Variants in MBIP observed in about 807,000 individuals in gnomAD.
MBIP encodes MAP3K12 binding inhibitory protein 1.
MBIP carries 32 observed loss-of-function variants against 45.7 expected under a neutral mutation model. The ratio of observed to expected loss-of-function variants is 0.70; its 90% CI spans 0.53 to 0.94. The LOEUF (loss-of-function observed/expected upper bound fraction) is 0.94, where lower values mean the gene tolerates loss of function less well. MBIP is among the 40% of genes least tolerant of loss of function. The pLI, the probability that MBIP is intolerant of heterozygous loss-of-function variation, is 0.00. For synonymous variants in MBIP, 145 were observed against 141.0 expected (o/e 1.03, Z -0.20); for missense variants, 381 against 405.5 (o/e 0.94, Z 0.52).
At chr14:36,312,137 T>C (rs1880249306) in intron 4 of MBIP, 113 bp from the exon 5 acceptor site, 1 of 521,072 alleles carries the variant, frequency 1.9e-6, no homozygotes, top group African/African-American at 2.0e-5. Context: ...ATAATTTTAA[T>C]AAATAATAGT....
In MBIP at chr14:36,299,085, A is replaced by G. The variant is rs1879368858; in HGVS notation, c.1033T>C (p.Ter345ArgextTer22). The G allele has an allele frequency of 1.2e-6, 2 of 1,612,850 alleles. No individual in the cohort carries two copies. The highest frequency in any genetic ancestry group is 1.7e-6 in the Non-Finnish European group (2 of 1,178,984). ...AESMATHHLP* is the reference protein window; with the variant it reads ...AESMATHHLPR ...ATGACAAGGATGAGAGGAGTTTTTCATGGAAGGTGGTGGGTTGCCATGGAT... is the reference window on the plus strand; with the variant it reads ...ATGACAAGGATGAGAGGAGTTTTTCGTGGAAGGTGGTGGGTTGCCATGGAT... Residue 345 changes from the stop codon to arginine (R), a stop_lost, in exon 9 of 9, where the codon TGA becomes CGA. Transcript: ENST00000416007.
chr14:36,313,046 T>C (rs1247206744), intron 4 of MBIP, among the ~76,000 whole-genome samples: 2 of 152,104 alleles, frequency 1.3e-5, no homozygotes, highest in Non-Finnish European at 2.9e-5. Flanking sequence ...TCAGTTGAAC[T>C]TTCCTTAGTA....
intron 7 of MBIP, among the ~76,000 whole-genome samples, chr14:36,307,792 T>C (rs1879970122): frequency 6.6e-6 from 1 of 152,058 alleles, no homozygotes; most frequent in African/African-American, 2.4e-5. Context: ...GGTAGCAAGT[T>C]CAGAGTAACA....
In MBIP at chr14:36,320,097, T is replaced by C. The variant is rs1417474061; in HGVS notation, c.129+363A>G. On this transcript the variant is annotated intron_variant, in intron 1 of 8. Coordinates refer to ENST00000416007, the MANE Select transcript of MBIP (RefSeq NM_016586.3). ...ATCTCAGGCCTACTGACCAACCAAT[T>C]CCCATAAAGAGTAAGTTGGAGGAAA... Among the ~76,000 whole-genome samples, 3 of 151,874 alleles carry C rather than the reference T, an allele frequency of 2.0e-5. No individual in the cohort carries two copies. In the East Asian group the frequency reaches 5.8e-4, roughly 29 times the overall value.
At chr14:36,306,385 G>A (rs1036127264) in intron 7 of MBIP, among the ~76,000 whole-genome samples, 4 of 152,084 alleles carry the variant, frequency 2.6e-5, no homozygotes, top group African/African-American at 9.7e-5. Context: ...CTCCCAAGTA[G>A]CTGGGATTAT....
intron 6 of MBIP, among the ~76,000 whole-genome samples, chr14:36,309,003 C>A (rs183653822): frequency 2.6e-5 from 4 of 152,214 alleles, no homozygotes; most frequent in African/African-American, 9.6e-5. Context: ...AATACCAAAG[C>A]CCTCACAATG....
Position 36,308,166 on chromosome 14 carries a change from A to G in MBIP, c.814T>C (p.Tyr272His), listed in dbSNP as rs754159126. 5 of 1,601,126 alleles carry G rather than the reference A, an allele frequency of 3.1e-6. No individual in the cohort carries two copies. The highest frequency in any genetic ancestry group is 4.5e-5 in the East Asian group (2 of 44,616). Residue 272 changes from tyrosine to histidine, a missense_variant, in exon 7 of 9, where the codon TAT becomes CAT. Physicochemically the swap from Tyr to His is moderately conservative, Grantham distance 83. Coordinates refer to ENST00000416007, the MANE Select transcript of MBIP (RefSeq NM_016586.3). ...QTGGPVPRDIYQRIKKLEDKI... is the reference protein window; with the variant it reads ...QTGGPVPRDIHQRIKKLEDKI... ...TCCTCAAGTTTTTTAATTCTCTGAT[A>G]AATGTCTCTTGGCACTGGACCACCT...
At chr14:36,300,724 A>G in intron 8 of MBIP, 61 bp downstream of exon 8, 1 of 1,252,636 alleles carries the variant, frequency 8.0e-7, no homozygotes, top group South Asian at 1.5e-5. Context: ...TTTTATTAAT[A>G]AGAAAGGTAT....
Position 36,314,878 on chromosome 14 carries a change from TC to T in MBIP, c.286del (p.Glu96ArgfsTer9). ...TATCTCTTCAACAGCAGTTGTATTC[TC>T]CTCTTTAATCGGAGACTGAAGTTTT... is the stretch of plus-strand genomic sequence containing the variant. ...LAKLQSPIKEENTTAVEEIGR... is the reference protein window; with the variant it reads ...LAKLQSPIKEXNTTAVEEIGR... On this transcript the variant is annotated frameshift_variant, in exon 3 of 9. Transcript: ENST00000416007. LOFTEE classifies it high-confidence loss of function. The T allele has an allele frequency of 6.2e-7, 1 of 1,613,308 alleles. No homozygotes were observed. Among genetic ancestry groups the T allele is most frequent in the East Asian group, 2.2e-5 (1 of 44,836 alleles).
At chr14:36,300,233 C>CG (rs888121452) in intron 8 of MBIP, among the ~76,000 whole-genome samples, 38 of 152,000 alleles carry the variant, frequency 2.5e-4, no homozygotes, top group African/African-American at 9.2e-4. Flanking sequence ...TAATTTACTT[C>CG]GGGAAAAAAT....
At chr14:36,308,048 T>C (rs145905295) in intron 7 of MBIP, 44 bp downstream of exon 7, 27 of 1,060,098 alleles carry the variant, frequency 2.5e-5, no homozygotes, top group Middle Eastern at 2.0e-4. Context: ...GAATCCAGAA[T>C]ACAATAACAT....
At chr14:36,310,257 C>T (rs2139218153) in intron 6 of MBIP, among the ~76,000 whole-genome samples, 1 of 152,304 alleles carries the variant, frequency 6.6e-6, no homozygotes, top group East Asian at 1.9e-4. Context: ...CTACCTTCAT[C>T]TGGCTAGCAT....
At chr14:36,300,587 T>C (rs1025069366) in intron 8 of MBIP, among the ~76,000 whole-genome samples, 198 bp downstream of exon 8, 2 of 152,212 alleles carry the variant, frequency 1.3e-5, no homozygotes, top group African/African-American at 4.8e-5. Flanking sequence ...TTTTATTTAT[T>C]TAACCTATCT....
intron 1 of MBIP, among the ~76,000 whole-genome samples, chr14:36,318,603 A>G (rs1440525726): frequency 6.6e-6 from 1 of 152,002 alleles, no homozygotes; most frequent in Non-Finnish European, 1.5e-5. Flanking sequence ...ACAAAAATCC[A>G]AGCTAAAAAT....
intron 7 of MBIP, among the ~76,000 whole-genome samples, chr14:36,302,720 T>C (rs1879643914): frequency 3.3e-5 from 5 of 152,126 alleles, no homozygotes; most frequent in Admixed American, 3.3e-4. Flanking sequence ...AATATTTTGA[T>C]AAAAAGAACA....
At chr14:36,309,406 T>C (rs1388876548) in intron 6 of MBIP, among the ~76,000 whole-genome samples, 2 of 152,228 alleles carry the variant, frequency 1.3e-5, no homozygotes, top group Non-Finnish European at 2.9e-5. Flanking sequence ...CTGTGCAGCT[T>C]GTGCACTGCA....
chr14:36,307,952 C>A, intron 7 of MBIP, 140 bp downstream of exon 7: 1 of 481,618 alleles, frequency 2.1e-6, no homozygotes, highest in Non-Finnish European at 3.6e-6. Context: ...TAGATATATC[C>A]CCTATACAGG....
chr14:36,311,429 A>C, intron 6 of MBIP, 144 bp downstream of exon 6: 15 of 651,282 alleles, frequency 2.3e-5, no homozygotes, highest in African/African-American at 3.7e-5. Flanking sequence ...GTGAATTGAC[A>C]TACACATAAC....
intron 1 of MBIP, chr14:36,319,755 C>T (rs1376258037): frequency 5.4e-6 from 1 of 185,596 alleles, no homozygotes; most frequent in Non-Finnish European, 1.2e-5. Flanking sequence ...GAATTTTACA[C>T]CATGAAACGA....
Sources: gnomAD v4.1 joint callset for allele counts (sites outside exome capture counted in the v4.1 genomes callset) on GRCh38, gnomAD v4.1.1 for gene constraint, MANE v1.5 for transcripts, NCBI Gene and HGNC (gene_info 2026-07-23, HGNC 2026-07-21) for gene names.